APCDD1L: variants seen among roughly 807,000 people sequenced by gnomAD.
APCDD1L encodes protein APCDD1-like.
APCDD1L carries 21 observed loss-of-function variants against 24.2 expected under a neutral mutation model. The ratio of observed to expected loss-of-function variants is 0.87; its 90% CI spans 0.61 to 1.25. The LOEUF is 1.25. APCDD1L is among the 50% of genes most tolerant of loss of function. The probability of loss-of-function intolerance (pLI) is 0.00; values close to 1 mark genes in which losing one functional copy is unlikely to be tolerated. For synonymous variants in APCDD1L, 321 were observed against 323.6 expected (o/e 0.99, Z 0.09); for missense variants, 704 against 711.7 (o/e 0.99, Z 0.12).
In APCDD1L at chr20:58,467,752, C is replaced by G. The variant is rs192443941; in HGVS notation, c.189-94G>C. The G allele has an allele frequency of 1.3e-5, 16 of 1,270,368 alleles. No individual in the cohort carries two copies. The highest frequency in any genetic ancestry group is 1.6e-5 in the Non-Finnish European group (16 of 974,758). 78.7% of individuals were successfully genotyped at this position (1,270,368 alleles called of 1,614,324 possible). The stretch of plus-strand genomic sequence containing the variant: ...GGCTGGGCTCCTTTCTCCCCCCCAG[C>G]CCTCCTCTTAGTCCTCAGCTCAGGC... On this transcript the variant is annotated intron_variant, in intron 2 of 3. Coordinates refer to ENST00000371149, the MANE Select transcript of APCDD1L (RefSeq NM_153360.3). This position sits in a 1 kb window ranked among gnomAD's most constrained non-coding sequence, Gnocchi z 5.9.
intron 1 of APCDD1L, among the ~76,000 whole-genome samples, chr20:58,479,829 A>T (rs1482061984): frequency 6.6e-6 from 1 of 152,208 alleles, no homozygotes; most frequent in Non-Finnish European, 1.5e-5. Context: ...CTGCGTGGCC[A>T]TTAAGCTTCA....
chr20:58,461,053 T>G lies in APCDD1L; in HGVS notation c.1243A>C (p.Lys415Gln). The change falls in exon 4 of 4, where the codon AAG becomes CAG. Residue 415 changes from lysine (K) to glutamine (Q), a missense_variant. Coordinates refer to ENST00000371149, the MANE Select transcript of APCDD1L (RefSeq NM_153360.3). This position sits in a 1 kb window ranked among gnomAD's most constrained non-coding sequence, Gnocchi z 6.0. ...TGCCCGAGGGGGTCTTGTTCCATCT[T>G]GAAAAGCTCGTACTCCACATGCGGG... The part of the protein sequence containing the change: ...RLPHVEYELF[K>Q]MEQDPLGQSL... The G allele has an allele frequency of 6.2e-7, 1 of 1,614,044 alleles. No individual in the cohort carries two copies. Among genetic ancestry groups the G allele is most frequent in the Non-Finnish European group, 8.5e-7 (1 of 1,179,988 alleles).
Position 58,462,092 on chromosome 20 carries a change from A to G in APCDD1L, c.742-538T>C, listed in dbSNP as rs74350459. 685 of 153,396 alleles carry G rather than the reference A, an allele frequency of 4.5e-3. 8 individuals carry two copies. The highest frequency in any genetic ancestry group is 0.016 in the African/African-American group (657 of 41,622). The allele number at this position is 153,396 out of a possible 1,614,324, so 9.5% of individuals were successfully genotyped here. A position where few individuals can be genotyped will look rare whatever the true frequency, so the allele number is the denominator to read the frequency against. ...ACAGCAAGCACATATTTGTTGCATG[A>G]ATAAATGAGAAATGAATGGAAGCAT... On this transcript the variant is annotated intron_variant, in intron 3 of 3. Transcript: ENST00000371149.
chr20:58,499,912 T>G (rs1434187800), intron 1 of APCDD1L, among the ~76,000 whole-genome samples: 1 of 152,212 alleles, frequency 6.6e-6, no homozygotes, highest in Non-Finnish European at 1.5e-5. Flanking sequence ...CTGGCCTCCC[T>G]TTGTTCATTT....
intron 1 of APCDD1L, among the ~76,000 whole-genome samples, chr20:58,513,522 T>A (rs950964129): frequency 6.6e-6 from 1 of 152,062 alleles, no homozygotes; most frequent in Non-Finnish European, 1.5e-5. Context: ...GTTTAGAAAT[T>A]TGGGGGCTGG....
intron 1 of APCDD1L, among the ~76,000 whole-genome samples, chr20:58,479,441 A>T (rs896112725): frequency 6.6e-6 from 1 of 152,190 alleles, no homozygotes; most frequent in Non-Finnish European, 1.5e-5. Flanking sequence ...GCTGTATCAG[A>T]GGTTTTCAAG....
intron 1 of APCDD1L, among the ~76,000 whole-genome samples, chr20:58,473,575 G>A (rs1160761144): frequency 7.0e-6 from 1 of 142,892 alleles, no homozygotes; most frequent in Non-Finnish European, 1.5e-5. Flanking sequence ...TAGCTCTTGG[G>A]GTAGATGTTG....
chr20:58,501,132 G>A (rs1439977381), intron 1 of APCDD1L, among the ~76,000 whole-genome samples: 1 of 152,190 alleles, frequency 6.6e-6, no homozygotes, highest in African/African-American at 2.4e-5. Flanking sequence ...CTGAAGTTTG[G>A]ACAAGTCATT....
At chr20:58,493,970 CAT>C (rs1294059151) in intron 1 of APCDD1L, among the ~76,000 whole-genome samples, 3 of 152,206 alleles carry the variant, frequency 2.0e-5, no homozygotes, top group African/African-American at 7.2e-5. Context: ...TCAATTCACA[CAT>C]ATTTTATATA....
At chr20:58,496,071 G>A (rs1349925036) in intron 1 of APCDD1L, among the ~76,000 whole-genome samples, 3 of 152,232 alleles carry the variant, frequency 2.0e-5, no homozygotes, top group Non-Finnish European at 2.9e-5. Flanking sequence ...GAGCAGGGGC[G>A]TTTCTATTCA....
chr20:58,499,821 C>T (rs184210787), intron 1 of APCDD1L, among the ~76,000 whole-genome samples: 147 of 152,310 alleles, frequency 9.7e-4, no homozygotes, highest in African/African-American at 3.1e-3. Context: ...GCCCCATCTC[C>T]CTCTCTGTCT....
intron 1 of APCDD1L, among the ~76,000 whole-genome samples, chr20:58,500,430 C>T (rs1029185346): frequency 2.6e-5 from 4 of 152,154 alleles, no homozygotes; most frequent in African/African-American, 4.8e-5. Flanking sequence ...TATCCGGCCC[C>T]GCTCTGGGCC....
intron 1 of APCDD1L, among the ~76,000 whole-genome samples, chr20:58,500,896 C>T (rs1050086336): frequency 6.6e-6 from 1 of 152,200 alleles, no homozygotes; most frequent in Non-Finnish European, 1.5e-5. Context: ...TTCCCCCAGC[C>T]CTCCCACTCC....
chr20:58,488,273 A>G (rs777882126), intron 1 of APCDD1L, among the ~76,000 whole-genome samples: 3 of 152,164 alleles, frequency 2.0e-5, no homozygotes, highest in Non-Finnish European at 4.4e-5. Flanking sequence ...AAAACATAGT[A>G]TACATAGGAT....
chr20:58,488,840 A>G (rs1990170857), intron 1 of APCDD1L, among the ~76,000 whole-genome samples: 2 of 152,216 alleles, frequency 1.3e-5, no homozygotes, highest in African/African-American at 4.8e-5. Flanking sequence ...AGTAAGCCCA[A>G]ATAAAGGAGA....
chr20:58,496,010 A>G (rs1461999536), intron 1 of APCDD1L, among the ~76,000 whole-genome samples: 1 of 152,196 alleles, frequency 6.6e-6, no homozygotes, highest in East Asian at 1.9e-4. Context: ...GCCCTACCCC[A>G]TTGAGGGTCA....
At chr20:58,480,843 C>T (rs1274984312) in intron 1 of APCDD1L, among the ~76,000 whole-genome samples, 2 of 152,186 alleles carry the variant, frequency 1.3e-5, no homozygotes, top group Non-Finnish European at 2.9e-5. Context: ...AGCTCCCACC[C>T]AGTTGGAAAC....
At chr20:58,465,023 C>G (rs1449089006) in intron 3 of APCDD1L, among the ~76,000 whole-genome samples, 10 of 152,100 alleles carry the variant, frequency 6.6e-5, no homozygotes, top group African/African-American at 2.4e-4. Flanking sequence ...GCAGGGAGGG[C>G]AGGGACAGCC....
At chr20:58,485,108 A>G (rs1488732799) in intron 1 of APCDD1L, among the ~76,000 whole-genome samples, 1 of 151,660 alleles carries the variant, frequency 6.6e-6, no homozygotes, top group East Asian at 1.9e-4. Flanking sequence ...TGATGTAGCT[A>G]AGCAAGCCTC....
Sources: allele counts gnomAD v4.1 joint callset (sites outside exome capture counted in the v4.1 genomes callset), GRCh38; gene constraint gnomAD v4.1.1; non-coding constraint Gnocchi (gnomAD v3.1); transcripts MANE v1.5; gene names NCBI Gene and HGNC (gene_info 2026-07-23, HGNC 2026-07-21).